The following PTGIR variants were observed in gnomAD, a reference collection of about 807,000 sequenced individuals.
PTGIR encodes the protein prostacyclin receptor.
A neutral mutation model predicts 17.6 loss-of-function variants in PTGIR; 16 were observed. That is an observed-to-expected ratio of 0.91 (90% CI 0.61 to 1.38). The LOEUF is 1.38. Among genes scored for constraint, PTGIR ranks in the 40% most tolerant of loss-of-function variants. PTGIR has a pLI of 0.00. For synonymous variants in PTGIR, 274 were observed against 255.4 expected (o/e 1.07, Z -0.69); for missense variants, 532 against 548.6 (o/e 0.97, Z 0.30).
In PTGIR at chr19:46,621,573, A is replaced by G. The variant is rs1323341646; in HGVS notation, c.868T>C (p.Trp290Arg). The G allele has an allele frequency of 1.9e-6, 3 of 1,614,012 alleles. No homozygotes were observed. The highest frequency in any genetic ancestry group is 2.5e-6 in the Non-Finnish European group (3 of 1,180,034). Residue 290 changes from tryptophan (W) to arginine (R), a missense_variant, in exon 3 of 3, where the codon TGG becomes CGG. By Grantham distance (101) the Trp-to-Arg change is moderately radical. Coordinates refer to ENST00000291294, the MANE Select transcript of PTGIR (RefSeq NM_000960.4). The surrounding 1 kb of genome is among the most constrained non-coding windows in gnomAD (Gnocchi z 4.8). Reference protein sequence around the residue: ...FYAFNPILDPWVFILFRKAVF... With the variant: ...FYAFNPILDPRVFILFRKAVF... ...GCCTTGCGGAAAAGGATGAAGACCC[A>G]GGGGTCCAGGATGGGGTTGAAGGCG...
downstream of PTGIR, among the ~76,000 whole-genome samples, chr19:46,619,551 GAGA>G (rs1972016770): frequency 9.0e-5 from 6 of 66,604 alleles, no homozygotes; most frequent in Admixed American, 4.8e-4. Flanking sequence ...GAAAGAAAGA[GAGA>G]GAGAGAGAGA....
downstream of PTGIR, among the ~76,000 whole-genome samples, chr19:46,616,326 CTTT>C (rs1021116711): frequency 6.4e-3 from 426 of 66,542 alleles, 8 homozygotes; most frequent in African/African-American, 0.016. Context: ...GACAGAAATG[CTTT>C]TTTTTTTTTT....
chr19:46,621,518 C>A lies in PTGIR; in HGVS notation c.923G>T (p.Cys308Phe), dbSNP rs199726960. Reference sequence around the variant, plus strand: ...GTGGGCAGGCCCGAGGCACAGGCAGCAGACCCAGAGCTTGAGTCGCTGGAA... The same window carrying A: ...GTGGGCAGGCCCGAGGCACAGGCAGAAGACCCAGAGCTTGAGTCGCTGGAA... ...AVFQRLKLWV[C>F]CLCLGPAHGD... Residue 308 changes from cysteine (C) to phenylalanine (F), a missense_variant, in exon 3 of 3, where the codon TGC (cysteine) becomes TTC (phenylalanine). Cys to Phe is a radical substitution (Grantham distance 205, BLOSUM62 -2). Coordinates refer to ENST00000291294, the MANE Select transcript of PTGIR (RefSeq NM_000960.4). This position sits in a 1 kb window ranked among gnomAD's most constrained non-coding sequence, Gnocchi z 4.8. 5 of 1,614,206 alleles carry A rather than the reference C, an allele frequency of 3.1e-6. No individual in the cohort carries two copies. The highest frequency in any genetic ancestry group is 4.2e-6 in the Non-Finnish European group (5 of 1,180,050).
downstream of PTGIR, among the ~76,000 whole-genome samples, chr19:46,619,608 A>G (rs941618467): frequency 4.6e-5 from 5 of 108,740 alleles, no homozygotes; most frequent in African/African-American, 1.8e-4. Context: ...AAGAAAGGAA[A>G]GAAAGAAAGA....
chr19:46,621,407 CT>C lies in PTGIR; in HGVS notation c.1033del (p.Ser345AlafsTer47). 6.2e-7 allele frequency: 1 copy of C among 1,607,246 alleles called. No homozygotes were observed. The highest frequency in any genetic ancestry group is 1.7e-4 in the Middle Eastern group (1 of 6,034). On this transcript the variant is annotated frameshift_variant, in exon 3 of 3. Coordinates refer to ENST00000291294, the MANE Select transcript of PTGIR (RefSeq NM_000960.4). LOFTEE classifies it low-confidence loss of function (END_TRUNC). This position sits in a 1 kb window ranked among gnomAD's most constrained non-coding sequence, Gnocchi z 4.8. The stretch of plus-strand genomic sequence containing the variant: ...GCCCCAAGCCGACAAAGGCACGCAG[CT>C]CCCCTCCTTTCCCACAGGAGCAGAG... ...APSAPVGKEG[S>X]CVPLSAWGEG...
At chr19:46,616,331 T>G (rs1399568615), downstream of PTGIR, among the ~76,000 whole-genome samples, 1 of 137,184 alleles carries the variant, frequency 7.3e-6, no homozygotes, top group East Asian at 2.1e-4. Context: ...AAATGCTTTT[T>G]TTTTTTTTTT....
rs1279900384 is a variant in PTGIR at position 46,623,630 on chromosome 19, A to T, written c.596T>A (p.Ile199Asn). The T allele has an allele frequency of 6.5e-7, 1 of 1,549,652 alleles. No homozygotes were observed. The highest frequency in any genetic ancestry group is 2.0e-5 in the Admixed American group (1 of 51,200). ...AGLVALLVAA[I>N]FLCNGSVTLS... is the part of the protein sequence containing the mutation. Reference sequence around the variant, plus strand: ...GGTGACCGAGCCGTTGCAGAGGAAGATGGCAGCCACCAGCAGGGCCACCAG... The same window carrying T: ...GGTGACCGAGCCGTTGCAGAGGAAGTTGGCAGCCACCAGCAGGGCCACCAG... The change falls in exon 2 of 3, where the codon ATC (isoleucine) becomes AAC (asparagine). Residue 199 changes from isoleucine (I) to asparagine (N), a missense_variant. Physicochemically the swap from Ile to Asn is moderately radical, Grantham distance 149. Transcript: ENST00000291294.
rs201014492 is a variant in PTGIR, at chr19:46,621,561, G to A, written c.880C>T (p.Leu294Phe). The change falls in exon 3 of 3, where the codon CTT becomes TTT. Residue 294 changes from leucine to phenylalanine, a missense_variant. By Grantham distance (22) the Leu-to-Phe change is conservative. Coordinates refer to ENST00000291294, the MANE Select transcript of PTGIR (RefSeq NM_000960.4). This position sits in a 1 kb window ranked among gnomAD's most constrained non-coding sequence, Gnocchi z 4.8. ...CGCTGGAAGACAGCCTTGCGGAAAA[G>A]GATGAAGACCCAGGGGTCCAGGATG... ...NPILDPWVFI[L>F]FRKAVFQRLK... 8 of 1,614,132 alleles carry A rather than the reference G, an allele frequency of 5.0e-6. No homozygotes were observed. Among genetic ancestry groups the A allele is most frequent in the Non-Finnish European group, 6.8e-6 (8 of 1,180,052 alleles).
chr19:46,614,514 C>G, the PTGIR span: 3 of 796,138 alleles, frequency 3.8e-6, no homozygotes, highest in Non-Finnish European at 3.0e-6. Flanking sequence ...AGCCCCACCC[C>G]AGACTAGGGC....
intron 2 of PTGIR, chr19:46,622,503 C>T (rs149045996): frequency 1.6e-4 from 111 of 676,796 alleles, no homozygotes; most frequent in Middle Eastern, 7.7e-4. Context: ...AAGCACGGGG[C>T]GGGCATAGAG....
the PTGIR span, among the ~76,000 whole-genome samples, chr19:46,612,110 C>T: frequency 2.0e-5 from 3 of 152,256 alleles, no homozygotes; most frequent in Non-Finnish European, 4.4e-5. Flanking sequence ...CCCCCTTTTC[C>T]TGCCACCTGG....
intron 2 of PTGIR, chr19:46,622,413 C>T: frequency 2.0e-6 from 2 of 984,858 alleles, no homozygotes; most frequent in African/African-American, 3.5e-5. Context: ...AGAACGTTCT[C>T]TTGGTTTCCT....
downstream of PTGIR, among the ~76,000 whole-genome samples, chr19:46,619,525 GAA>G (rs1972011909): frequency 2.1e-5 from 1 of 47,336 alleles, no homozygotes; most frequent in South Asian, 9.7e-4. Flanking sequence ...AAGAAAGAAA[GAA>G]AGAAAGAAAG....
Position 46,624,039 on chromosome 19 carries a change from C to CAG in PTGIR, c.186_187insCT (p.Gly63LeufsTer6). The CAG allele has an allele frequency of 6.5e-7, 1 of 1,538,980 alleles. No homozygotes were observed. Among genetic ancestry groups the CAG allele is most frequent in the Non-Finnish European group, 8.7e-7 (1 of 1,143,686 alleles). On this transcript the variant is annotated frameshift_variant, in exon 2 of 3. Transcript: ENST00000291294. LOFTEE classifies it high-confidence loss of function. Reference sequence around the variant, plus strand: ...ACGGCCGGGCTCAGGAAGCTGGTGCCCAGCAGGTCGGTGGCCGCCAGTCCG... The same window carrying CAG: ...ACGGCCGGGCTCAGGAAGCTGGTGCCAGCAGCAGGTCGGTGGCCGCCAGTCCG...
intron 2 of PTGIR, chr19:46,623,254 C>T: frequency 5.5e-6 from 3 of 541,720 alleles, no homozygotes; most frequent in Non-Finnish European, 3.0e-6. Context: ...GCCTCGGCCT[C>T]CCAAAGTGCT....
Position 46,623,891 on chromosome 19 carries a change from G to A in PTGIR, c.335C>T (p.Ala112Val), listed in dbSNP as rs781410198. 6.2e-7 allele frequency: 1 copy of A among 1,610,466 alleles called. No homozygotes were observed. Among genetic ancestry groups the A allele is most frequent in the South Asian group, 1.1e-5 (1 of 90,698 alleles). The change falls in exon 2 of 3, where the codon GCC becomes GTC. Residue 112 changes from alanine to valine, a missense_variant. Physicochemically the swap from Ala to Val is moderately conservative, Grantham distance 64. Coordinates refer to ENST00000291294, the MANE Select transcript of PTGIR (RefSeq NM_000960.4). ...FGLASMLILF[A>V]MAVERCLALS... ...CGCCAGGCAGCGCTCCACGGCCATG[G>A]CAAAGAGGATGAGCATGGACGCCAG...
At position 46,623,974 on chromosome 19, in the gene PTGIR, C is replaced by T. The variant is rs1166280184; in HGVS notation, c.252G>A (p.Leu84=). The T allele has an allele frequency of 2.1e-5, 33 of 1,569,862 alleles. No homozygotes were observed. In the East Asian group the frequency reaches 7.8e-4, roughly 37 times the overall value. Reference sequence around the variant, plus strand: ...CGCACAGGGCGGGGCCGCCTCGGGCCAGGCCCAGCAGGGAGCTGTTGCGCG... The same window carrying T: ...CGCACAGGGCGGGGCCGCCTCGGGCTAGGCCCAGCAGGGAGCTGTTGCGCG... ...AYARNSSLLG[L]ARGGPALCDA... is the part of the protein sequence containing the mutation. The change falls in exon 2 of 3, where the codon CTG becomes CTA. Residue 84 remains leucine (L), a synonymous_variant. Transcript: ENST00000291294.
downstream of PTGIR, among the ~76,000 whole-genome samples, chr19:46,618,599 T>G (rs1465576639): frequency 6.6e-6 from 1 of 152,210 alleles, no homozygotes; most frequent in Admixed American, 6.5e-5. Flanking sequence ...TCGCCCTGCC[T>G]ACTTACTTTA....
rs2052722892 is a variant in PTGIR at position 46,621,258 on chromosome 19, A to T, written c.*22T>A. The T allele has an allele frequency of 6.7e-7, 1 of 1,496,950 alleles. No homozygotes were observed. Among genetic ancestry groups the T allele is most frequent in the Non-Finnish European group, 8.9e-7 (1 of 1,121,844 alleles). The allele number at this position is 1,496,950 out of a possible 1,614,324, so 92.7% of individuals were successfully genotyped here. On this transcript the variant is annotated 3_prime_UTR_variant, in exon 3 of 3. Transcript: ENST00000291294. The surrounding 1 kb of genome is among the most constrained non-coding windows in gnomAD (Gnocchi z 4.8). ...CCTGTCGCCCGAAGACAGGGCAGAGATCACAGGGTCAGCTTGAAATGTCAG... is the reference window on the plus strand; with the variant it reads ...CCTGTCGCCCGAAGACAGGGCAGAGTTCACAGGGTCAGCTTGAAATGTCAG...
Sources: gnomAD v4.1 joint callset for allele counts (sites outside exome capture counted in the v4.1 genomes callset) on GRCh38, gnomAD v4.1.1 for gene constraint, Gnocchi (gnomAD v3.1) non-coding constraint, MANE v1.5 for transcripts, NCBI Gene and HGNC (gene_info 2026-07-23, HGNC 2026-07-21) for gene names.